FAR2: variants seen among roughly 807,000 people sequenced by gnomAD.
The protein encoded by FAR2 is epididymis secretory protein Li 81.
FAR2 carries 19 observed loss-of-function variants against 56.0 expected under a neutral mutation model. The observed-to-expected ratio is 0.34, with a 90% CI of 0.24 to 0.50. The LOEUF (loss-of-function observed/expected upper bound fraction) is 0.50. Among genes scored for constraint, FAR2 ranks in the 20% least tolerant of loss-of-function variants. The pLI, the probability that FAR2 is intolerant of heterozygous loss-of-function variation, is 0.98. For missense variants in FAR2, 508 were observed against 642.2 expected (o/e 0.79, Z 2.26); for synonymous variants, 219 against 218.8 (o/e 1.00, Z -0.01).
intron 10 of FAR2, among the ~76,000 whole-genome samples, chr12:29,322,950 A>T (rs1180671640): frequency 6.6e-6 from 1 of 152,164 alleles, no homozygotes; most frequent in African/African-American, 2.4e-5. Flanking sequence ...TCCTGCACCC[A>T]CTGTCCGGCA....
intron 5 of FAR2, among the ~76,000 whole-genome samples, chr12:29,308,413 A>T (rs1480287595): frequency 6.6e-6 from 1 of 152,088 alleles, no homozygotes; most frequent in East Asian, 1.9e-4. Context: ...CAGGACAGAT[A>T]CTATGGAGAG....
At chr12:29,256,904 C>A (rs1438859028) in intron 1 of FAR2, among the ~76,000 whole-genome samples, 1 of 152,264 alleles carries the variant, frequency 6.6e-6, no homozygotes, top group South Asian at 2.1e-4. Flanking sequence ...GACCTGCAGC[C>A]TGCCATGCCT....
At chr12:29,328,645 A>G (rs1478532988) in intron 10 of FAR2, among the ~76,000 whole-genome samples, 1 of 151,678 alleles carries the variant, frequency 6.6e-6, no homozygotes, top group Non-Finnish European at 1.5e-5. Flanking sequence ...CGCAAGGACA[A>G]AAAACCAAAC....
chr12:29,208,232 T>G (rs1428228928), intron 1 of FAR2, among the ~76,000 whole-genome samples: 1 of 152,194 alleles, frequency 6.6e-6, no homozygotes, highest in Non-Finnish European at 1.5e-5. Context: ...CTGCTGCCCT[T>G]CTTCCTCTGA....
intron 1 of FAR2, among the ~76,000 whole-genome samples, chr12:29,177,864 C>A (rs901066531): frequency 1.3e-5 from 2 of 151,780 alleles, no homozygotes; most frequent in African/African-American, 2.4e-5. Flanking sequence ...CATACAACAA[C>A]AACAAAAAAC....
rs150882929 is a variant in FAR2, at chr12:29,325,505, A to G, written c.1257+3581A>G. ...AATTGACCACATAGTTGGAAGTAAA[A>G]CACTCCTCAGCAAATGTAAAAGAAC... On this transcript the variant is annotated intron_variant, in intron 10 of 11. Coordinates refer to ENST00000536681, the MANE Select transcript of FAR2 (RefSeq NM_001271783.2). 2.4e-3 allele frequency among the ~76,000 whole-genome samples: 371 copies of G among 152,244 alleles called. 2 individuals carry two copies. Among genetic ancestry groups the G allele is most frequent in the African/African-American group, 8.6e-3 (358 of 41,534 alleles).
chr12:29,202,074 TTCAG>T (rs1276218939), intron 1 of FAR2, among the ~76,000 whole-genome samples: 4 of 152,030 alleles, frequency 2.6e-5, no homozygotes, highest in African/African-American at 7.3e-5. Context: ...GTAATTAACT[TTCAG>T]TCAGCATCTT....
intron 1 of FAR2, among the ~76,000 whole-genome samples, chr12:29,266,032 G>T (rs1423919317): frequency 1.3e-5 from 2 of 152,144 alleles, no homozygotes; most frequent in South Asian, 4.1e-4. Flanking sequence ...TGATGAGGAT[G>T]TGGATAAAAA....
chr12:29,196,423 C>G (rs1338977448), intron 1 of FAR2, among the ~76,000 whole-genome samples: 1 of 152,112 alleles, frequency 6.6e-6, no homozygotes, highest in East Asian at 1.9e-4. Flanking sequence ...TTTTAATTTG[C>G]ATTTCTCTGA....
chr12:29,308,689 GACACAC>G (rs57435586), intron 5 of FAR2, among the ~76,000 whole-genome samples: 1,559 of 137,362 alleles, frequency 0.011, 74 homozygotes, highest in African/African-American at 0.043. Context: ...CAGACACACA[GACACAC>G]ACACACACAC....
At chr12:29,265,914 G>T (rs1017403437) in intron 1 of FAR2, among the ~76,000 whole-genome samples, 2 of 152,060 alleles carry the variant, frequency 1.3e-5, no homozygotes, top group Admixed American at 1.3e-4. Context: ...TTATGAAAAG[G>T]TGCTCAACAT....
intron 1 of FAR2, among the ~76,000 whole-genome samples, chr12:29,168,142 C>G (rs1487346591): frequency 2.0e-5 from 3 of 152,094 alleles, no homozygotes; most frequent in Non-Finnish European, 4.4e-5. Flanking sequence ...GAAGTCTTTC[C>G]TGCACAGTTA....
intron 6 of FAR2, among the ~76,000 whole-genome samples, chr12:29,310,187 G>A (rs566263329): frequency 2.0e-5 from 3 of 152,158 alleles, no homozygotes; most frequent in Middle Eastern, 3.4e-3. Flanking sequence ...TTATTTTAAC[G>A]TGATCCCAAA....
At chr12:29,200,180 GC>G (rs1223739552) in intron 1 of FAR2, among the ~76,000 whole-genome samples, 5 of 152,134 alleles carry the variant, frequency 3.3e-5, no homozygotes, top group Non-Finnish European at 7.4e-5. Context: ...GAATTAGAAA[GC>G]ACCTTTATTG....
rs182424247 is a variant in FAR2, at chr12:29,333,826, C to T, written c.*32C>T. 4.2e-5 allele frequency: 67 copies of T among 1,594,068 alleles called. No individual in the cohort carries two copies. The highest frequency in any genetic ancestry group is 4.2e-4 in the African/African-American group (31 of 74,354). The stretch of plus-strand genomic sequence containing the variant: ...TTAGCCATCGCTTTTTATCTGGAAC[C>T]TCTCAGATACCTCTAAAACAGCAAA... On this transcript the variant is annotated 3_prime_UTR_variant, in exon 12 of 12. Coordinates refer to ENST00000536681, the MANE Select transcript of FAR2 (RefSeq NM_001271783.2).
intron 1 of FAR2, among the ~76,000 whole-genome samples, chr12:29,220,910 A>G (rs1238462861): frequency 9.9e-5 from 15 of 152,130 alleles, no homozygotes; most frequent in Non-Finnish European, 2.2e-4. Flanking sequence ...TTAGGGTTTT[A>G]TATGTTGGCA....
At chr12:29,152,604 C>T (rs548631765) in intron 1 of FAR2, among the ~76,000 whole-genome samples, 5 of 152,328 alleles carry the variant, frequency 3.3e-5, no homozygotes, top group East Asian at 3.9e-4. Context: ...AATGGAGATT[C>T]GTTCTTCATG....
At position 29,332,695 on chromosome 12, in the gene FAR2, T is replaced by A. The variant is rs749440368; in HGVS notation, c.1353T>A (p.Ala451=). 1 of 1,613,652 alleles carries A rather than the reference T, an allele frequency of 6.2e-7. No individual in the cohort carries two copies. Among genetic ancestry groups the A allele is most frequent in the Non-Finnish European group, 8.5e-7 (1 of 1,179,766 alleles). Residue 451 remains alanine (A), a synonymous_variant, in exon 11 of 12, where the codon GCT becomes GCA. Coordinates refer to ENST00000536681, the MANE Select transcript of FAR2 (RefSeq NM_001271783.2). Reference sequence around the variant, plus strand: ...AATACTTATTGAAAGAGGATATGGCTGGGATCCCAAAAGCAAAGCAACGCT... The same window carrying A: ...AATACTTATTGAAAGAGGATATGGCAGGGATCCCAAAAGCAAAGCAACGCT... ...VKKYLLKEDM[A]GIPKAKQRLK... is the part of the protein sequence containing the mutation.
intron 2 of FAR2, among the ~76,000 whole-genome samples, chr12:29,277,119 AG>A (rs1182695811): frequency 6.6e-6 from 1 of 152,132 alleles, no homozygotes; most frequent in African/African-American, 2.4e-5. Flanking sequence ...CTGGGATTAC[AG>A]GCATCTGCCA....
Sources: allele counts gnomAD v4.1 joint callset (sites outside exome capture counted in the v4.1 genomes callset), GRCh38; gene constraint gnomAD v4.1.1; transcripts MANE v1.5; gene names NCBI Gene and HGNC (gene_info 2026-07-23, HGNC 2026-07-21).